Variants in RYR3 observed in about 807,000 individuals in gnomAD.
RYR3 encodes the protein brain ryanodine receptor-calcium release channel.
In RYR3, 207 loss-of-function variants were observed where a neutral mutation model predicts 584.3. That is an observed-to-expected ratio of 0.35 (90% confidence interval 0.32 to 0.40). The LOEUF (loss-of-function observed/expected upper bound fraction) is 0.40, where lower values mean the gene tolerates loss of function less well. RYR3 is among the 10% of genes least tolerant of loss of function. The probability of loss-of-function intolerance (pLI) is 1.00; values close to 1 mark genes in which losing one functional copy is unlikely to be tolerated. For missense variants in RYR3, 5,616 were observed against 6,089.2 expected, an observed-to-expected ratio of 0.92 and a Z score of 2.59; for synonymous variants, 2,416 against 2,248.5, an observed-to-expected ratio of 1.07 and a Z score of -2.11.
At chr15:33,808,213 G>A (rs2076308708) in intron 70 of RYR3, among the ~76,000 whole-genome samples, 1 of 152,210 alleles carries the variant, frequency 6.6e-6, no homozygotes, top group Non-Finnish European at 1.5e-5. Context: ...GAGCCCAGGC[G>A]AGATAGACTT....
intron 7 of RYR3, among the ~76,000 whole-genome samples, chr15:33,541,189 A>T (rs2304384): frequency 0.87 from 131,709 of 152,088 alleles, 57,634 homozygotes; most frequent in Middle Eastern, 0.98. Flanking sequence ...AGTTTCCACA[A>T]TTTTATTTTT....
chr15:33,570,875 G>A (rs2057991696), intron 12 of RYR3, among the ~76,000 whole-genome samples: 1 of 151,642 alleles, frequency 6.6e-6, no homozygotes, highest in African/African-American at 2.4e-5. Context: ...ATTATTTTCT[G>A]GTATATAGAA....
At chr15:33,707,156 AG>A in intron 43 of RYR3, 102 bp downstream of exon 43, 1 of 1,377,846 alleles carries the variant, frequency 7.3e-7, no homozygotes, top group African/African-American at 1.4e-5. Flanking sequence ...ATCTGAAAAT[AG>A]GGGGTTGGTG....
Position 33,779,867 on chromosome 15 carries a change from C to T in RYR3, c.9138-344C>T, listed in dbSNP as rs550836959. ...AAAAAAAATAGAAAAAGAAATTAAC[C>T]GGGCATGGTGGTGGGCGCATGTAGT... On this transcript the variant is annotated intron_variant, in intron 64 of 103. Coordinates refer to ENST00000634891, the MANE Select transcript of RYR3 (RefSeq NM_001036.6). 2.1e-4 allele frequency among the ~76,000 whole-genome samples: 32 copies of T among 151,858 alleles called. No homozygotes were observed. The East Asian group carries it at 4.7e-3, about 22-fold the overall frequency.
At chr15:33,369,949 C>A (rs773545311) in intron 1 of RYR3, among the ~76,000 whole-genome samples, 5 of 152,184 alleles carry the variant, frequency 3.3e-5, no homozygotes, top group Non-Finnish European at 7.3e-5. Context: ...CATCCCATAC[C>A]TAATATAATG....
chr15:33,735,104 A>G (rs944114917), intron 48 of RYR3, among the ~76,000 whole-genome samples: 43 of 152,308 alleles, frequency 2.8e-4, no homozygotes, highest in African/African-American at 9.1e-4. Flanking sequence ...GCAAACTGAT[A>G]CTTAACTAGG....
At chr15:33,518,336 AATT>A (rs1259760211) in intron 3 of RYR3, among the ~76,000 whole-genome samples, 1 of 152,162 alleles carries the variant, frequency 6.6e-6, no homozygotes, top group African/African-American at 2.4e-5. Context: ...AAATGGATTG[AATT>A]ATTATTTTTT....
At chr15:33,679,455 TGTG>T (rs1423313977) in intron 38 of RYR3, among the ~76,000 whole-genome samples, 3 of 152,326 alleles carry the variant, frequency 2.0e-5, no homozygotes, top group African/African-American at 4.8e-5. Context: ...GGCATTAAAA[TGTG>T]GTGGTAAAAT....
chr15:33,530,461 G>A, intron 3 of RYR3, 131 bp from the exon 4 acceptor site: 1 of 659,912 alleles, frequency 1.5e-6, no homozygotes, highest in Non-Finnish European at 2.7e-6. Context: ...ACTTGCTTCT[G>A]GAATGAATTC....
At chr15:33,423,292 A>C (rs2044367270) in intron 1 of RYR3, among the ~76,000 whole-genome samples, 1 of 152,212 alleles carries the variant, frequency 6.6e-6, no homozygotes, top group Non-Finnish European at 1.5e-5. Context: ...ACTTAACAAA[A>C]TGTTTCCAGA....
chr15:33,805,767 A>T (rs184322524), intron 69 of RYR3, among the ~76,000 whole-genome samples: 11 of 152,020 alleles, frequency 7.2e-5, no homozygotes, highest in African/African-American at 1.4e-4. Flanking sequence ...TTGAGCCACC[A>T]CACCCGGCCT....
chr15:33,526,708 G>C (rs1020313511), intron 3 of RYR3, among the ~76,000 whole-genome samples: 8 of 151,848 alleles, frequency 5.3e-5, no homozygotes, highest in African/African-American at 1.9e-4. Flanking sequence ...TACTCATTCA[G>C]GAAATATTTA....
intron 1 of RYR3, among the ~76,000 whole-genome samples, chr15:33,327,177 T>C (rs1969825379): frequency 2.0e-5 from 3 of 152,150 alleles, no homozygotes; most frequent in Admixed American, 2.0e-4. Context: ...GAAAAAAAAG[T>C]AAGTACTTTG....
intron 2 of RYR3, among the ~76,000 whole-genome samples, chr15:33,478,715 C>T (rs2049666966): frequency 6.6e-6 from 1 of 152,208 alleles, no homozygotes; most frequent in Non-Finnish European, 1.5e-5. Context: ...TATTTAACTA[C>T]TATGGCCTTG....
chr15:33,327,518 G>T (rs1969871800), intron 1 of RYR3, among the ~76,000 whole-genome samples: 1 of 152,210 alleles, frequency 6.6e-6, no homozygotes, highest in Non-Finnish European at 1.5e-5. Context: ...AACACAATCA[G>T]ATTGTTTAAA....
intron 1 of RYR3, among the ~76,000 whole-genome samples, chr15:33,397,953 A>G (rs1453650206): frequency 6.6e-6 from 1 of 152,170 alleles, no homozygotes; most frequent in Non-Finnish European, 1.5e-5. Context: ...TTTGTCCACA[A>G]GGGGGTCTGT....
intron 21 of RYR3, among the ~76,000 whole-genome samples, chr15:33,629,626 C>T (rs936855864): frequency 4.6e-5 from 7 of 152,184 alleles, no homozygotes; most frequent in Non-Finnish European, 8.8e-5. Flanking sequence ...TCTTCAGAAA[C>T]GTTATGGTTA....
chr15:33,530,537 T>C lies in RYR3; in HGVS notation c.280-55T>C, dbSNP rs1595465627. 4.9e-6 allele frequency: 6 copies of C among 1,225,234 alleles called. No homozygotes were observed. The East Asian group carries it at 1.2e-4, about 24-fold the overall frequency. The allele number at this position is 1,225,234 out of a possible 1,614,324, so 75.9% of individuals were successfully genotyped here. A position where few individuals can be genotyped will look rare whatever the true frequency, so the allele number is the denominator to read the frequency against. Reference sequence around the variant, plus strand: ...TCCCAGAATTATTGTGTTGCTTGGCTCCCGGAGAAGCCACAACGGGCATGT... The same window carrying C: ...TCCCAGAATTATTGTGTTGCTTGGCCCCCGGAGAAGCCACAACGGGCATGT... On this transcript the variant is annotated intron_variant, in intron 3 of 103. Coordinates refer to ENST00000634891, the MANE Select transcript of RYR3 (RefSeq NM_001036.6).
rs1890165975 is a variant in RYR3, at chr15:33,865,400, A to G, written c.*174A>G. On this transcript the variant is annotated 3_prime_UTR_variant, in exon 104 of 104. Transcript: ENST00000634891. ...AAATTGATTTGGCTTTTTGTGCCTAATGGACATACACTGTGGGAGAGAACC... is the reference window on the plus strand; with the variant it reads ...AAATTGATTTGGCTTTTTGTGCCTAGTGGACATACACTGTGGGAGAGAACC... 6.8e-6 allele frequency: 4 copies of G among 587,428 alleles called. No individual in the cohort carries two copies. The highest frequency in any genetic ancestry group is 1.2e-5 in the Non-Finnish European group (4 of 330,564). 36.4% of individuals were successfully genotyped at this position (587,428 alleles called of 1,614,324 possible). A position where few individuals can be genotyped will look rare whatever the true frequency, so the allele number is the denominator to read the frequency against.
Sources: allele counts gnomAD v4.1 joint callset (sites outside exome capture counted in the v4.1 genomes callset), GRCh38; gene constraint gnomAD v4.1.1; transcripts MANE v1.5; gene names NCBI Gene and HGNC (gene_info 2026-07-23, HGNC 2026-07-21).